DZIP1L: variants seen among roughly 807,000 people sequenced by gnomAD.
The protein encoded by DZIP1L is cilium assembly protein DZIP1L.
Under a neutral mutation model 88.7 loss-of-function variants are expected in DZIP1L, and 90 were observed. The observed-to-expected ratio is 1.02, with a 90% CI of 0.86 to 1.21. DZIP1L has a LOEUF of 1.21. Among genes scored for constraint, DZIP1L ranks in the 50% most tolerant of loss-of-function variants. DZIP1L has a pLI of 0.00. For synonymous variants in DZIP1L, 363 were observed against 372.1 expected (o/e 0.98, Z 0.28); for missense variants, 932 against 955.8 (o/e 0.98, Z 0.33).
intron 10 of DZIP1L, among the ~76,000 whole-genome samples, chr3:138,079,895 CAGT>C (rs534462966): frequency 1.8e-4 from 27 of 152,190 alleles, no homozygotes; most frequent in Non-Finnish European, 3.8e-4. Flanking sequence ...GGGACCTGGT[CAGT>C]AGCTTTTCCA....
At chr3:138,076,795 C>T (rs1943433034) in intron 11 of DZIP1L, among the ~76,000 whole-genome samples, 1 of 152,106 alleles carries the variant, frequency 6.6e-6, no homozygotes, top group South Asian at 2.1e-4. Context: ...AGGCTACACA[C>T]TGGGTACAGT....
intron 11 of DZIP1L, among the ~76,000 whole-genome samples, chr3:138,073,623 GA>G (rs1480879903): frequency 6.6e-6 from 1 of 152,136 alleles, no homozygotes; most frequent in Non-Finnish European, 1.5e-5. Flanking sequence ...GAAGGAGCCA[GA>G]AAAACAATTC....
chr3:138,105,304 G>A (rs980707664), intron 1 of DZIP1L, among the ~76,000 whole-genome samples: 1 of 151,846 alleles, frequency 6.6e-6, no homozygotes, highest in Non-Finnish European at 1.5e-5. Context: ...GTGTGTGGGT[G>A]GTGATGGTCA....
chr3:138,090,526 A>G (rs185752608), intron 5 of DZIP1L, among the ~76,000 whole-genome samples: 7 of 152,266 alleles, frequency 4.6e-5, no homozygotes, highest in African/African-American at 1.7e-4. Context: ...GCTGGGAAGC[A>G]TTTTGGATGG....
chr3:138,068,811 C>T (rs1943039416), intron 12 of DZIP1L, among the ~76,000 whole-genome samples: 1 of 152,204 alleles, frequency 6.6e-6, no homozygotes, highest in African/African-American at 2.4e-5. Context: ...CTCAAACCTC[C>T]TCCCAAATGC....
In DZIP1L at chr3:138,087,359, T is replaced by C. The variant is rs550101951; in HGVS notation, c.1000-336A>G. On this transcript the variant is annotated intron_variant, in intron 6 of 15. Transcript: ENST00000327532. ...AGTACTAAAAGAAAACACAGGAATG[T>C]TGTCTTTTTAAATCTCAGAGTGGGG... Among the ~76,000 whole-genome samples, 4 of 152,358 alleles carry C rather than the reference T, an allele frequency of 2.6e-5. No homozygotes were observed. The East Asian group carries it at 5.8e-4, about 22-fold the overall frequency.
At chr3:138,099,971 G>A (rs945974446) in intron 2 of DZIP1L, among the ~76,000 whole-genome samples, 14 of 151,944 alleles carry the variant, frequency 9.2e-5, no homozygotes, top group African/African-American at 3.4e-4. Flanking sequence ...TGAAAGGACT[G>A]TTGGCTGGGC....
chr3:138,065,080 A>C (rs1349140880), intron 14 of DZIP1L, among the ~76,000 whole-genome samples: 1 of 152,252 alleles, frequency 6.6e-6, no homozygotes, highest in African/African-American at 2.4e-5. Flanking sequence ...TGGGGAATGA[A>C]CTGTATCACT....
intron 1 of DZIP1L, among the ~76,000 whole-genome samples, chr3:138,105,755 T>A (rs915875452): frequency 6.6e-6 from 1 of 152,114 alleles, no homozygotes; most frequent in Non-Finnish European, 1.5e-5. Flanking sequence ...CACACATACA[T>A]ATGAAAGACT....
At position 138,103,934 on chromosome 3, in the gene DZIP1L, C is replaced by T. The variant is rs375457172; in HGVS notation, c.38G>A (p.Gly13Asp). Residue 13 changes from glycine to aspartate, a missense_variant, in exon 2 of 16, where the codon GGC becomes GAC. By Grantham distance (94) the Gly-to-Asp change is moderately conservative. Coordinates refer to ENST00000327532, the MANE Select transcript of DZIP1L (RefSeq NM_173543.3). ...SPAATAEGLS[G>D]PLFGAYTFPT... The stretch of plus-strand genomic sequence containing the variant: ...GAACGTGTAGGCCCCAAAGAGGGGG[C>T]CACTGAGGCCCTCAGCAGTGGCAGC... 76 of 1,613,122 alleles carry T rather than the reference C, an allele frequency of 4.7e-5. 2 individuals are homozygous for T. The South Asian group carries it at 8.3e-4, about 18-fold the overall frequency.
At position 138,092,564 on chromosome 3, in the gene DZIP1L, C is replaced by T. The variant is rs374702994; in HGVS notation, c.709-20G>A. On this transcript the variant is annotated intron_variant, in intron 4 of 15. Coordinates refer to ENST00000327532, the MANE Select transcript of DZIP1L (RefSeq NM_173543.3). ...TGCTTCCTAAAAAGAAGAGCAAGAA[C>T]AATATGATGATTAATTCCACATTAC... 5.5e-4 allele frequency: 859 copies of T among 1,549,468 alleles called. No individual in the cohort carries two copies. Among genetic ancestry groups the T allele is most frequent in the Non-Finnish European group, 7.0e-4 (809 of 1,157,352 alleles).
At chr3:138,089,858 A>G (rs1944120915) in intron 5 of DZIP1L, among the ~76,000 whole-genome samples, 1 of 152,144 alleles carries the variant, frequency 6.6e-6, no homozygotes, top group Non-Finnish European at 1.5e-5. Context: ...TTTAAAAAAG[A>G]GTAAGATGGG....
At chr3:138,070,758 A>G (rs952497692) in intron 12 of DZIP1L, among the ~76,000 whole-genome samples, 26 of 152,242 alleles carry the variant, frequency 1.7e-4, no homozygotes, top group Non-Finnish European at 3.2e-4. Flanking sequence ...GAGATACAGA[A>G]CTGGCCTCCT....
chr3:138,112,002 CA>C (rs56199137), intron 1 of DZIP1L, among the ~76,000 whole-genome samples: 79,792 of 135,044 alleles, frequency 0.59, 21,984 homozygotes, highest in Admixed American at 0.66. Context: ...AATTCTGTCT[CA>C]AAAAAAAAAA....
At chr3:138,110,340 T>C (rs2042597711) in intron 1 of DZIP1L, among the ~76,000 whole-genome samples, 1 of 151,908 alleles carries the variant, frequency 6.6e-6, no homozygotes, top group Non-Finnish European at 1.5e-5. Context: ...TTAGGAGAAA[T>C]ACCTAATGTA....
intron 7 of DZIP1L, among the ~76,000 whole-genome samples, chr3:138,086,097 G>GA (rs1943919715): frequency 6.6e-6 from 1 of 151,748 alleles, no homozygotes; most frequent in Admixed American, 6.6e-5. Flanking sequence ...TCACACTCTG[G>GA]GGACTGTTGT....
chr3:138,092,330 G>A, intron 5 of DZIP1L, 53 bp downstream of exon 5: 2 of 1,466,592 alleles, frequency 1.4e-6, no homozygotes, highest in Admixed American at 5.3e-5. Flanking sequence ...GAAATTTTGA[G>A]AATAAGCAGA....
chr3:138,075,715 C>T (rs187814845), intron 11 of DZIP1L, among the ~76,000 whole-genome samples: 209 of 152,288 alleles, frequency 1.4e-3, no homozygotes, highest in African/African-American at 4.8e-3. Context: ...CGGCCTGGCG[C>T]GGTGGCTCAC....
intron 2 of DZIP1L, among the ~76,000 whole-genome samples, chr3:138,099,557 A>C (rs918880495): frequency 6.6e-6 from 1 of 152,126 alleles, no homozygotes; most frequent in Non-Finnish European, 1.5e-5. Context: ...GTCCCTTCCA[A>C]ATCTCATGTT....
Sources: allele counts gnomAD v4.1 joint callset (sites outside exome capture counted in the v4.1 genomes callset), GRCh38; gene constraint gnomAD v4.1.1; transcripts MANE v1.5; gene names NCBI Gene and HGNC (gene_info 2026-07-23, HGNC 2026-07-21).